Variants in SAMD5 observed in about 807,000 individuals in gnomAD.
SAMD5 encodes the protein sterile alpha motif domain containing 5.
In SAMD5, 13 loss-of-function variants were observed where a neutral mutation model predicts 11.3. The ratio of observed to expected loss-of-function variants is 1.15; its 90% CI spans 0.75 to 1.83. SAMD5 has a LOEUF of 1.83. Among genes scored for constraint, SAMD5 ranks in the 40% most tolerant of loss-of-function variants. The pLI is 0.00. For missense variants in SAMD5, 255 were observed against 239.1 expected (o/e 1.07, Z -0.44); for synonymous variants, 129 against 111.3 (o/e 1.16, Z -1.00).
the SAMD5 span, among the ~76,000 whole-genome samples, chr6:147,863,547 GA>G: frequency 1.3e-5 from 2 of 152,084 alleles, no homozygotes; most frequent in Non-Finnish European, 1.5e-5. Context: ...AGATAGCTGT[GA>G]AATGGAGTTA....
rs570256498 is a variant in SAMD5, at chr6:147,578,206, A to AT, written c.162+68825dup. Among the ~76,000 whole-genome samples the AT allele has an allele frequency of 1.2e-4, 18 of 152,276 alleles. No individual in the cohort carries two copies. In the East Asian group the frequency reaches 3.1e-3, roughly 26 times the overall value. On this transcript the variant is annotated intron_variant, in intron 1 of 1. Coordinates refer to the SAMD5 transcript ENST00000566741. ...TAAATTTTTTGAATCTTGCCTTTGA[A>AT]TTTTTTGACTCTAATTATTAGTTGC...
In SAMD5 at chr6:147,527,675, C is replaced by A. The variant is rs193035519; in HGVS notation, c.459+18288C>A. On this transcript the variant is annotated intron_variant, in intron 1 of 1. Coordinates refer to ENST00000367474, the MANE Select transcript of SAMD5 (RefSeq NM_001030060.3). ...AAGTCTTAACTCATTCCAGCATTAA[C>A]TGAAAGGTCCAAAGTCTCATCTCAG... Among the ~76,000 whole-genome samples, 28 of 152,282 alleles carry A rather than the reference C, an allele frequency of 1.8e-4. No individual in the cohort carries two copies. The East Asian group carries it at 5.0e-3, about 27-fold the overall frequency.
chr6:147,809,705 G>A, the SAMD5 span, among the ~76,000 whole-genome samples: 7 of 152,148 alleles, frequency 4.6e-5, no homozygotes, highest in Non-Finnish European at 8.8e-5. Context: ...AGATTATCAG[G>A]AGTAAGTTTT....
downstream of SAMD5, among the ~76,000 whole-genome samples, chr6:147,739,357 A>T (rs1463767684): frequency 2.6e-5 from 4 of 152,330 alleles, no homozygotes; most frequent in East Asian, 3.9e-4. Context: ...GCACCTTGGG[A>T]GGCGCAGGCC....
chr6:147,700,234 C>G (rs1365226790), intron 1 of SAMD5, among the ~76,000 whole-genome samples: 1 of 152,108 alleles, frequency 6.6e-6, no homozygotes, highest in Non-Finnish European at 1.5e-5. Context: ...AATTTTCAAA[C>G]CACACCTCTG....
chr6:147,941,832 TTG>T, the SAMD5 span, among the ~76,000 whole-genome samples: 1 of 148,002 alleles, frequency 6.8e-6, no homozygotes, highest in Non-Finnish European at 1.5e-5. Context: ...CAAACTAAAA[TTG>T]TGTGTGTGTG....
chr6:147,852,343 C>T, the SAMD5 span, among the ~76,000 whole-genome samples: 1 of 151,962 alleles, frequency 6.6e-6, no homozygotes, highest in South Asian at 2.1e-4. Flanking sequence ...TGTCAACAAG[C>T]TTTTAAAGTG....
the SAMD5 span, among the ~76,000 whole-genome samples, chr6:147,925,496 T>C: frequency 2.0e-5 from 3 of 152,060 alleles, no homozygotes; most frequent in Non-Finnish European, 2.9e-5. Context: ...TAGAATTTTT[T>C]TTTTTTAATT....
the SAMD5 span, among the ~76,000 whole-genome samples, chr6:147,883,769 G>T: frequency 6.6e-6 from 1 of 152,176 alleles, no homozygotes; most frequent in African/African-American, 2.4e-5. Flanking sequence ...GGAGACAAAG[G>T]TATAGGTTTT....
intron 1 of SAMD5, among the ~76,000 whole-genome samples, chr6:147,656,889 A>C (rs1790576227): frequency 8.3e-6 from 1 of 120,538 alleles, no homozygotes; most frequent in Non-Finnish European, 1.7e-5. Flanking sequence ...ACCTCCAACA[A>C]TACAGTATAC....
At chr6:147,830,887 G>T in the SAMD5 span, among the ~76,000 whole-genome samples, 1 of 152,134 alleles carries the variant, frequency 6.6e-6, no homozygotes, top group South Asian at 2.1e-4. Context: ...TTCTTGCTAG[G>T]CAGTTTTTTC....
chr6:147,637,104 G>A (rs942298520), intron 1 of SAMD5, among the ~76,000 whole-genome samples: 12 of 152,138 alleles, frequency 7.9e-5, no homozygotes, highest in African/African-American at 2.7e-4. Context: ...GGGTTCACAC[G>A]GCACAGAATA....
chr6:147,605,614 A>C (rs1040002468), intron 1 of SAMD5, among the ~76,000 whole-genome samples: 1 of 152,214 alleles, frequency 6.6e-6, no homozygotes, highest in Non-Finnish European at 1.5e-5. Flanking sequence ...ATTTAAAAAA[A>C]TATTAACCCA....
intron 1 of SAMD5, among the ~76,000 whole-genome samples, chr6:147,657,845 C>A (rs182408613): frequency 6.6e-6 from 1 of 152,272 alleles, no homozygotes; most frequent in East Asian, 1.9e-4. Flanking sequence ...AGTTTCACCT[C>A]CTAATATCAT....
the SAMD5 span, among the ~76,000 whole-genome samples, chr6:147,914,965 A>C: frequency 6.6e-6 from 1 of 152,216 alleles, no homozygotes; most frequent in African/African-American, 2.4e-5. Flanking sequence ...TAAAAGGCAA[A>C]AAATAAATAC....
intron 1 of SAMD5, among the ~76,000 whole-genome samples, chr6:147,586,408 G>A (rs565251239): frequency 6.6e-6 from 1 of 152,096 alleles, no homozygotes; most frequent in African/African-American, 2.4e-5. Flanking sequence ...TTTACCCTTA[G>A]GTAAATATGC....
chr6:147,637,292 G>A (rs1790244020), intron 1 of SAMD5, among the ~76,000 whole-genome samples: 1 of 152,260 alleles, frequency 6.6e-6, no homozygotes, highest in Non-Finnish European at 1.5e-5. Flanking sequence ...GACATACCAG[G>A]CTCTCCATAA....
At chr6:147,865,076 T>C in the SAMD5 span, among the ~76,000 whole-genome samples, 1 of 152,198 alleles carries the variant, frequency 6.6e-6, no homozygotes, top group African/African-American at 2.4e-5. Context: ...TTATTTCACC[T>C]AACTTATTTC....
intron 1 of SAMD5, among the ~76,000 whole-genome samples, chr6:147,553,081 AC>A (rs1387642509): frequency 2.0e-5 from 3 of 152,248 alleles, no homozygotes; most frequent in Non-Finnish European, 2.9e-5. Context: ...GGAAAAATCA[AC>A]CAGTTATATA....
Sources: allele counts gnomAD v4.1 joint callset (sites outside exome capture counted in the v4.1 genomes callset), GRCh38; gene constraint gnomAD v4.1.1; transcripts MANE v1.5; gene names NCBI Gene and HGNC (gene_info 2026-07-23, HGNC 2026-07-21).